The following PCDHA5 variants were observed in gnomAD, a reference collection of about 807,000 sequenced individuals.
PCDHA5 encodes the protein protocadherin alpha-5.
PCDHA5 carries 43 observed loss-of-function variants against 61.6 expected under a neutral mutation model. That is an observed-to-expected ratio of 0.70 (90% confidence interval 0.55 to 0.90). The LOEUF (loss-of-function observed/expected upper bound fraction) is 0.90, where lower values mean the gene tolerates loss of function less well. Ranked by LOEUF, PCDHA5 falls within the 40% of genes least tolerant of loss-of-function variation. PCDHA5 has a pLI of 0.00. For synonymous variants in PCDHA5, 627 were observed against 543.9 expected (o/e 1.15, Z -2.13); for missense variants, 1,298 against 1,222.7 (o/e 1.06, Z -0.92).
At chr5:140,976,330 T>C (rs139191853) in intron 1 of PCDHA5, among the ~76,000 whole-genome samples, 1 of 152,088 alleles carries the variant, frequency 6.6e-6, no homozygotes, top group Non-Finnish European at 1.5e-5. Flanking sequence ...GAGGGTGGAT[T>C]GCCTGAGGTC....
intron 1 of PCDHA5, chr5:140,875,402 CT>C (rs2055455404): frequency 6.7e-7 from 1 of 1,488,754 alleles, no homozygotes; most frequent in African/African-American, 1.4e-5. Flanking sequence ...AGGGTGACTG[CT>C]CATAAAATAC....
Position 140,834,070 on chromosome 5 carries a change from C to T in PCDHA5, c.2352+9943C>T, listed in dbSNP as rs2150213286. Among the ~76,000 whole-genome samples the T allele has an allele frequency of 2.5e-4, 38 of 152,286 alleles. No homozygotes were observed. The East Asian group carries it at 5.2e-3, about 21-fold the overall frequency. ...ATGCTTCTAACAATCATGAGAAATG[C>T]TATTTTAACCTTTAACAACAATGAA... On this transcript the variant is annotated intron_variant, in intron 1 of 3. Transcript: ENST00000529859.
At chr5:140,954,623 G>C (rs1277762311) in intron 1 of PCDHA5, among the ~76,000 whole-genome samples, 2 of 151,776 alleles carry the variant, frequency 1.3e-5, no homozygotes, top group African/African-American at 4.8e-5. Flanking sequence ...GGCTTGTTTG[G>C]GTTTTTCTTG....
At chr5:140,884,381 T>C in intron 1 of PCDHA5, 2 of 1,613,986 alleles carry the variant, frequency 1.2e-6, no homozygotes, top group Non-Finnish European at 1.7e-6. Flanking sequence ...CATTGCCATC[T>C]GCGCGGTGTC....
intron 1 of PCDHA5, among the ~76,000 whole-genome samples, chr5:140,898,043 T>A (rs1554187781): frequency 6.6e-6 from 1 of 152,148 alleles, no homozygotes; most frequent in African/African-American, 2.4e-5. Context: ...GTTGTTTGTT[T>A]TTTTCTTGTA....
chr5:141,007,393 T>C (rs1485010105), intron 3 of PCDHA5, among the ~76,000 whole-genome samples: 2 of 23,410 alleles, frequency 8.5e-5, no homozygotes, highest in African/African-American at 2.3e-4. Context: ...TCTACTAAAA[T>C]ACAAAAAAAA....
chr5:140,899,607 TC>T (rs1301087468), intron 1 of PCDHA5, among the ~76,000 whole-genome samples: 11 of 152,322 alleles, frequency 7.2e-5, no homozygotes, highest in African/African-American at 2.6e-4. Flanking sequence ...GACTTTTGCA[TC>T]AATGTTCATC....
At position 140,911,726 on chromosome 5, in the gene PCDHA5, G is replaced by GTTCGTGCCAAGGAC. The variant is rs372287116; in HGVS notation, c.2353-67221_2353-67208dup. On this transcript the variant is annotated intron_variant, in intron 1 of 3. Transcript: ENST00000529859. ...TTTATTTTGTGTAACTCTGTAAACAGTTCGTGCCAAGGACTATCAGTGTTC... is the reference window on the plus strand; with the variant it reads ...TTTATTTTGTGTAACTCTGTAAACAGTTCGTGCCAAGGACTTCGTGCCAAGGACTATCAGTGTTC... Among the ~76,000 whole-genome samples, 876 of 152,272 alleles carry GTTCGTGCCAAGGAC rather than the reference G, an allele frequency of 5.8e-3. 6 individuals are homozygous for GTTCGTGCCAAGGAC. The highest frequency in any genetic ancestry group is 0.018 in the African/African-American group (761 of 41,552).
intron 1 of PCDHA5, chr5:140,841,090 C>T: frequency 1.8e-6 from 1 of 559,860 alleles, no homozygotes; most frequent in East Asian, 3.0e-5. Flanking sequence ...CATAGAAGAA[C>T]CCAGATATTG....
intron 1 of PCDHA5, chr5:140,868,024 G>A (rs550037758): frequency 2.0e-5 from 3 of 152,200 alleles, no homozygotes; most frequent in South Asian, 4.1e-4. Context: ...GGAAACCAAT[G>A]TTGGTGACTT....
At chr5:141,004,412 A>G (rs2098165544) in intron 3 of PCDHA5, among the ~76,000 whole-genome samples, 1 of 152,164 alleles carries the variant, frequency 6.6e-6, no homozygotes, top group South Asian at 2.1e-4. Flanking sequence ...ACCTGACTAG[A>G]TCTCTGCCTC....
intron 1 of PCDHA5, among the ~76,000 whole-genome samples, chr5:140,918,680 C>T (rs1291001659): frequency 6.6e-6 from 1 of 152,084 alleles, no homozygotes; most frequent in Non-Finnish European, 1.5e-5. Flanking sequence ...GAGGTGAGAC[C>T]TTTCAAACAT....
intron 1 of PCDHA5, among the ~76,000 whole-genome samples, chr5:140,846,376 T>C (rs2150389253): frequency 0.033 from 4,309 of 129,342 alleles, 439 homozygotes; most frequent in African/African-American, 0.12. Flanking sequence ...TTTCTTTCTT[T>C]TTTTTTTTTT....
At chr5:140,899,508 T>C (rs1389762615) in intron 1 of PCDHA5, among the ~76,000 whole-genome samples, 4 of 151,990 alleles carry the variant, frequency 2.6e-5, no homozygotes, top group Admixed American at 1.3e-4. Flanking sequence ...GATTTGCATA[T>C]ATTGCATCCC....
At position 140,863,585 on chromosome 5, in the gene PCDHA5, A is replaced by G. The variant is rs1365017699; in HGVS notation, c.2352+39458A>G. ...GAGAATATAAGTACTGTAATCCTGG[A>G]AAGTATTTCATTCCTATTAATGTCC... On this transcript the variant is annotated intron_variant, in intron 1 of 3. Coordinates refer to ENST00000529859, the MANE Select transcript of PCDHA5 (RefSeq NM_018908.3). The G allele has an allele frequency of 3.6e-5, 13 of 361,228 alleles. No homozygotes were observed. The East Asian group carries it at 7.6e-4, about 21-fold the overall frequency. The allele number at this position is 361,228 out of a possible 1,614,324, so 22.4% of individuals were successfully genotyped here.
At chr5:140,869,790 A>G (rs782009264) in intron 1 of PCDHA5, 4 of 1,612,954 alleles carry the variant, frequency 2.5e-6, no homozygotes, top group African/African-American at 1.3e-5. Context: ...TTCGGCTGTT[A>G]GTCCAAGTCT....
intron 1 of PCDHA5, chr5:140,853,431 T>A (rs115944296): frequency 0.015 from 15,010 of 985,262 alleles, 1,430 homozygotes; most frequent in Non-Finnish European, 0.017. Context: ...AGAGACACTT[T>A]CCTATTTTGC....
At chr5:140,834,808 T>C in intron 1 of PCDHA5, 1 of 1,612,578 alleles carries the variant, frequency 6.2e-7, no homozygotes, top group Non-Finnish European at 8.5e-7. Flanking sequence ...AATCTGTTCA[T>C]CGCGGAATCC....
chr5:140,871,218 G>C, intron 1 of PCDHA5: 19 of 1,613,884 alleles, frequency 1.2e-5, no homozygotes, highest in Non-Finnish European at 1.6e-5. Context: ...CCATCTGCGT[G>C]GTGTCCAGCC....
Sources: gnomAD v4.1 joint callset for allele counts (sites outside exome capture counted in the v4.1 genomes callset) on GRCh38, gnomAD v4.1.1 for gene constraint, MANE v1.5 for transcripts, NCBI Gene and HGNC (gene_info 2026-07-23, HGNC 2026-07-21) for gene names.